The following FAM161B variants were observed in gnomAD, a reference collection of about 807,000 sequenced individuals.
The protein encoded by FAM161B is FAM161 centrosomal protein B, also known as protein FAM161B.
Under a neutral mutation model 61.5 loss-of-function variants are expected in FAM161B, and 46 were observed. That is an observed-to-expected ratio of 0.75 (90% CI 0.59 to 0.96). The LOEUF is 0.96. FAM161B is among the 40% of genes least tolerant of loss of function. The pLI is 0.00. For missense variants in FAM161B, 774 were observed against 800.7 expected (o/e 0.97, Z 0.40); for synonymous variants, 284 against 302.7 (o/e 0.94, Z 0.64).
chr14:73,939,905 CTA>C (rs1461381445), intron 5 of FAM161B, among the ~76,000 whole-genome samples: 1 of 152,202 alleles, frequency 6.6e-6, no homozygotes, highest in African/African-American at 2.4e-5. Context: ...TGGATGTCCT[CTA>C]TAGGAAGGCC....
At chr14:73,926,273 C>T in the FAM161B span, among the ~76,000 whole-genome samples, 2 of 151,920 alleles carry the variant, frequency 1.3e-5, no homozygotes, top group African/African-American at 4.8e-5. Context: ...TTCTTTTTTT[C>T]CTCCCCCTCA....
chr14:73,925,075 C>G, the FAM161B span, among the ~76,000 whole-genome samples: 1 of 152,198 alleles, frequency 6.6e-6, no homozygotes, highest in East Asian at 1.9e-4. Context: ...TCTCTAATAT[C>G]TTTGGGGGTA....
At chr14:73,935,477 A>G (rs2055963683) in intron 8 of FAM161B, among the ~76,000 whole-genome samples, 1 of 151,484 alleles carries the variant, frequency 6.6e-6, no homozygotes, top group Non-Finnish European at 1.5e-5. Context: ...GCAGTGAGCC[A>G]GAAATCGCGC....
intron 1 of FAM161B, among the ~76,000 whole-genome samples, chr14:73,949,338 C>G (rs1426589605): frequency 6.6e-6 from 1 of 152,166 alleles, no homozygotes; most frequent in East Asian, 1.9e-4. Flanking sequence ...CTCCTGACCT[C>G]AGGTCCCAAA....
At chr14:73,926,017 G>C in the FAM161B span, among the ~76,000 whole-genome samples, 1 of 152,190 alleles carries the variant, frequency 6.6e-6, no homozygotes, top group Non-Finnish European at 1.5e-5. Flanking sequence ...CTGGGTGACA[G>C]AGTGAGACCC....
the FAM161B span, among the ~76,000 whole-genome samples, chr14:73,926,332 G>A: frequency 6.6e-6 from 1 of 151,694 alleles, no homozygotes. Context: ...AACAATGTCT[G>A]TATATTGCAT....
the FAM161B span, chr14:73,923,424 C>G: frequency 1.9e-6 from 3 of 1,613,814 alleles, no homozygotes; most frequent in Non-Finnish European, 2.5e-6. Flanking sequence ...CCCACGTTCC[C>G]TGTCTTCAGT....
At position 73,933,755 on chromosome 14, in the gene FAM161B, C is replaced by T. The variant is rs2055946067; in HGVS notation, c.*501G>A. The stretch of plus-strand genomic sequence containing the variant: ...TGAGGCACAAAGCAGGAACCCTTAA[C>T]TTTAGGCTACCATCCCTCCACCTGA... On this transcript the variant is annotated 3_prime_UTR_variant, in exon 9 of 9. Transcript: ENST00000286544. 6.5e-6 allele frequency: 1 copy of T among 153,112 alleles called. No homozygotes were observed. Among genetic ancestry groups the T allele is most frequent in the South Asian group, 2.1e-4 (1 of 4,864 alleles). The allele number at this position is 153,112 out of a possible 1,614,324, so 9.5% of individuals were successfully genotyped here. A position where few individuals can be genotyped will look rare whatever the true frequency, so the allele number is the denominator to read the frequency against.
At chr14:73,949,663 T>A (rs984878916) in intron 1 of FAM161B, among the ~76,000 whole-genome samples, 1 of 151,594 alleles carries the variant, frequency 6.6e-6, no homozygotes, top group African/African-American at 2.4e-5. Context: ...CCGGCCAAAT[T>A]TGGGGAGCAA....
the FAM161B span, among the ~76,000 whole-genome samples, chr14:73,925,782 A>G: frequency 1.3e-5 from 2 of 152,160 alleles, no homozygotes; most frequent in African/African-American, 4.8e-5. Flanking sequence ...CTATAATCCC[A>G]GCACTTTCGG....
At position 73,944,704 on chromosome 14, in the gene FAM161B, C is replaced by A. The variant is rs772537643; in HGVS notation, c.556G>T (p.Ala186Ser). The A allele has an allele frequency of 6.2e-7, 1 of 1,606,246 alleles. No individual in the cohort carries two copies. Among genetic ancestry groups the A allele is most frequent in the South Asian group, 1.1e-5 (1 of 90,764 alleles). The change falls in exon 3 of 9, where the codon GCC becomes TCC. Residue 186 changes from alanine (A) to serine (S), a missense_variant. Physicochemically the swap from Ala to Ser is moderately conservative, Grantham distance 99. Transcript: ENST00000286544. ...GAGGCAGGTGAGCCCAGCCACTCGG[C>A]CTTCTTCCGGGCCTCGCGCAGCGTC... Reference protein sequence around the residue: ...RMTLREARKKAEWLGSPASFE... With the variant: ...RMTLREARKKSEWLGSPASFE...
chr14:73,939,203 G>A (rs945627980), intron 5 of FAM161B, among the ~76,000 whole-genome samples: 1 of 152,126 alleles, frequency 6.6e-6, no homozygotes, highest in African/African-American at 2.4e-5. Context: ...GGGAGGCTGA[G>A]GCAGGAGAAT....
At position 73,932,643 on chromosome 14, in the gene FAM161B, G is replaced by C. The variant is rs368377590; in HGVS notation, c.*1613C>G. The C allele has an allele frequency of 3.7e-4, 139 of 371,848 alleles. No homozygotes were observed. The highest frequency in any genetic ancestry group is 1.0e-3 in the Middle Eastern group (2 of 1,932). The allele number at this position is 371,848 out of a possible 1,614,324, so 23.0% of individuals were successfully genotyped here. A position where few individuals can be genotyped will look rare whatever the true frequency, so the allele number is the denominator to read the frequency against. On this transcript the variant is annotated 3_prime_UTR_variant, in exon 9 of 9. Transcript: ENST00000286544. Reference sequence around the variant, plus strand: ...TATCCACTCATCATCATTATGATTTGAGATGGGGTCTTGCTCTGTCACCCA... The same window carrying C: ...TATCCACTCATCATCATTATGATTTCAGATGGGGTCTTGCTCTGTCACCCA...
At chr14:73,927,456 C>T (rs2055850300), downstream of FAM161B, among the ~76,000 whole-genome samples, 1 of 152,198 alleles carries the variant, frequency 6.6e-6, no homozygotes, top group South Asian at 2.1e-4. Flanking sequence ...TTCAGGAAAA[C>T]CATCTCGTTT....
chr14:73,945,330 A>T (rs2056057284), intron 2 of FAM161B, among the ~76,000 whole-genome samples: 1 of 152,194 alleles, frequency 6.6e-6, no homozygotes, highest in South Asian at 2.1e-4. Flanking sequence ...ACTTTATCTC[A>T]TTCAATATTT....
rs188219939 is a variant in FAM161B at position 73,938,777 on chromosome 14, A to C, written c.1401-665T>G. Among the ~76,000 whole-genome samples the C allele has an allele frequency of 2.4e-3, 363 of 152,290 alleles. 1 individual carries two copies. The highest frequency in any genetic ancestry group is 8.5e-3 in the African/African-American group (353 of 41,576). On this transcript the variant is annotated intron_variant, in intron 5 of 8. Coordinates refer to ENST00000286544, the MANE Select transcript of FAM161B (RefSeq NM_152445.3). ...ACAGTGAGAGACTCCGTCTCAAAAA[A>C]TAATAATAAATAAATAAATAAAATA... is the stretch of plus-strand genomic sequence containing the variant.
the FAM161B span, among the ~76,000 whole-genome samples, chr14:73,925,908 C>T: frequency 1.3e-5 from 2 of 152,098 alleles, no homozygotes; most frequent in Non-Finnish European, 2.9e-5. Flanking sequence ...GTGGCATGTG[C>T]CTGTGGTCCC....
chr14:73,932,847 C>T lies in FAM161B; in HGVS notation c.*1409G>A, dbSNP rs150387677. The T allele has an allele frequency of 0.012, 1,992 of 169,918 alleles. 47 individuals are homozygous for T. Among genetic ancestry groups the T allele is most frequent in the African/African-American group, 0.043 (1,788 of 41,778 alleles). The allele number at this position is 169,918 out of a possible 1,614,324, so 10.5% of individuals were successfully genotyped here. A position where few individuals can be genotyped will look rare whatever the true frequency, so the allele number is the denominator to read the frequency against. ...CTGTGTTGCCCAGGCTGGTCTTGAA[C>T]GCCTGGCTTCAAGCGATCCTCCTGC... On this transcript the variant is annotated 3_prime_UTR_variant, in exon 9 of 9. Transcript: ENST00000286544.
intron 3 of FAM161B, 26 bp downstream of exon 3, chr14:73,944,308 GC>G: frequency 6.5e-7 from 1 of 1,544,594 alleles, no homozygotes. Context: ...GAGGCAGGAG[GC>G]AGCAAGGTGG....
Sources: gnomAD v4.1 joint callset for allele counts (sites outside exome capture counted in the v4.1 genomes callset) on GRCh38, gnomAD v4.1.1 for gene constraint, MANE v1.5 for transcripts, NCBI Gene and HGNC (gene_info 2026-07-23, HGNC 2026-07-21) for gene names.